Variants in PCDHGB2 observed in about 807,000 individuals in gnomAD.
PCDHGB2 encodes the protein protocadherin gamma-B2.
In PCDHGB2, 55 loss-of-function variants were observed where a neutral mutation model predicts 59.3. That is an observed-to-expected ratio of 0.93 (90% CI 0.75 to 1.16). The LOEUF (loss-of-function observed/expected upper bound fraction) is 1.16. Among genes scored for constraint, PCDHGB2 ranks in the 50% most tolerant of loss-of-function variants. The pLI, the probability that PCDHGB2 is intolerant of heterozygous loss-of-function variation, is 0.00. For synonymous variants in PCDHGB2, 516 were observed against 512.0 expected, an observed-to-expected ratio of 1.01 and a Z score of -0.11; for missense variants, 1,228 against 1,198.5, an observed-to-expected ratio of 1.02 and a Z score of -0.36.
chr5:141,375,522 A>C, intron 1 of PCDHGB2: 1 of 1,614,010 alleles, frequency 6.2e-7, no homozygotes, highest in Non-Finnish European at 8.5e-7. Flanking sequence ...CTGGACCCTG[A>C]CGTGGACCAG....
At chr5:141,492,506 C>T (rs2154587372) in intron 1 of PCDHGB2, among the ~76,000 whole-genome samples, 2 of 152,318 alleles carry the variant, frequency 1.3e-5, no homozygotes, top group South Asian at 4.1e-4. Context: ...ACTCCGGAGC[C>T]TCCTCTCACC....
chr5:141,500,062 TAA>T (rs1314388217), intron 2 of PCDHGB2, among the ~76,000 whole-genome samples: 1 of 152,144 alleles, frequency 6.6e-6, no homozygotes, highest in East Asian at 1.9e-4. Flanking sequence ...TCTTTTAATG[TAA>T]AAGACTTCCC....
intron 1 of PCDHGB2, chr5:141,420,410 A>G (rs2096494809): frequency 2.4e-6 from 3 of 1,236,296 alleles, no homozygotes; most frequent in South Asian, 4.4e-5. Flanking sequence ...TATGGTTATC[A>G]TTATTAAAAC....
At chr5:141,430,557 G>C (rs1161595629) in intron 1 of PCDHGB2, 5 of 412,906 alleles carry the variant, frequency 1.2e-5, no homozygotes, top group Non-Finnish European at 1.7e-5. Context: ...TTCACCAATC[G>C]GGGAGAGAAA....
rs149806642 is a variant in PCDHGB2 at position 141,502,449 on chromosome 5, A to T, written c.2481-2944A>T. 7.7e-3 allele frequency among the ~76,000 whole-genome samples: 1,166 copies of T among 151,886 alleles called. 15 individuals carry two copies. The highest frequency in any genetic ancestry group is 0.027 in the African/African-American group (1,103 of 41,308). On this transcript the variant is annotated intron_variant, in intron 2 of 3. Coordinates refer to ENST00000522605, the MANE Select transcript of PCDHGB2 (RefSeq NM_018923.3). The stretch of plus-strand genomic sequence containing the variant: ...TCTGATGGTTAGATTCAGATTACAC[A>T]CCTTGGTAGGAATACTTCCCGCAGC...
chr5:141,395,209 A>G, intron 1 of PCDHGB2: 1 of 1,613,372 alleles, frequency 6.2e-7, no homozygotes, highest in Non-Finnish European at 8.5e-7. Flanking sequence ...GATTTTCATG[A>G]ATATAAGAAT....
At chr5:141,393,747 T>C (rs1375394315) in intron 1 of PCDHGB2, 1 of 1,613,866 alleles carries the variant, frequency 6.2e-7, no homozygotes, top group Admixed American at 1.7e-5. Flanking sequence ...TTATGAAGAA[T>C]GTTCATTTTA....
At position 141,376,251 on chromosome 5, in the gene PCDHGB2, G is replaced by A. The variant is rs748938190; in HGVS notation, c.2421+13695G>A. 11 of 1,614,110 alleles carry A rather than the reference G, an allele frequency of 6.8e-6. No individual in the cohort carries two copies. The East Asian group carries it at 1.8e-4, about 26-fold the overall frequency. On this transcript the variant is annotated intron_variant, in intron 1 of 3. Transcript: ENST00000522605. ...AGACTGCAGCGCTGGCACAAGTCAC[G>A]CCTGCTGCAGGCTTCGGGAGGTGGC...
chr5:141,418,759 C>T (rs527475797), intron 1 of PCDHGB2: 17 of 1,613,898 alleles, frequency 1.1e-5, no homozygotes, highest in Non-Finnish European at 1.4e-5. Flanking sequence ...CTACAGGAAA[C>T]ATTCTAACTC....
At position 141,362,101 on chromosome 5, in the gene PCDHGB2, G is replaced by A; in HGVS notation, c.1966G>A (p.Ala656Thr). The A allele has an allele frequency of 6.2e-7, 1 of 1,613,846 alleles. No homozygotes were observed. Among genetic ancestry groups the A allele is most frequent in the East Asian group, 2.2e-5 (1 of 44,872 alleles). ...TGATGGAGGACAGCCGCCACTCTCC[G>A]CTACGGCCACGCTGCACCTAATCTT... ...VRDGGQPPLS[A>T]TATLHLIFAD... Residue 656 changes from alanine (A) to threonine (T), a missense_variant, in exon 1 of 4, where the codon GCT (alanine) becomes ACT (threonine). By Grantham distance (58) the Ala-to-Thr change is moderately conservative (BLOSUM62 0). This residue lies in a region of PCDHGB2 where 433 missense variants were observed against 441.8 expected (regional missense o/e 0.98). Coordinates refer to ENST00000522605, the MANE Select transcript of PCDHGB2 (RefSeq NM_018923.3).
intron 1 of PCDHGB2, chr5:141,468,330 C>CAAAAAAAAA (rs533390277): frequency 1.3e-5 from 1 of 79,886 alleles, no homozygotes; most frequent in African/African-American, 3.9e-5. Context: ...AACTCCATCT[C>CAAAAAAAAA]AAAAAAAAAA....
At chr5:141,506,487 G>A (rs1265051912) in intron 3 of PCDHGB2, among the ~76,000 whole-genome samples, 3 of 150,464 alleles carry the variant, frequency 2.0e-5, no homozygotes, top group Non-Finnish European at 4.4e-5. Flanking sequence ...TTAGAGGCAG[G>A]CCAATCTGGA....
Position 141,432,098 on chromosome 5 carries a change from G to C in PCDHGB2, c.2422-62709G>C, listed in dbSNP as rs771050429. The C allele has an allele frequency of 1.9e-6, 3 of 1,613,938 alleles. No homozygotes were observed. The highest frequency in any genetic ancestry group is 1.7e-5 in the Admixed American group (1 of 59,992). On this transcript the variant is annotated intron_variant, in intron 1 of 3. Transcript: ENST00000522605. The surrounding 1 kb of genome is among the most constrained non-coding windows in gnomAD (Gnocchi z 6.0). ...CTCGCTGAACGTGGCAGACACCAAC[G>C]ACAACCCGCCGGTCTTCCCTCAGGC...
chr5:141,460,507 G>A (rs2098991001), intron 1 of PCDHGB2, among the ~76,000 whole-genome samples: 1 of 152,036 alleles, frequency 6.6e-6, no homozygotes. Context: ...ATGCTGAGAA[G>A]GCTATCTTTT....
At chr5:141,438,362 T>C (rs1471364176) in intron 1 of PCDHGB2, among the ~76,000 whole-genome samples, 1 of 151,850 alleles carries the variant, frequency 6.6e-6, no homozygotes, top group East Asian at 1.9e-4. Flanking sequence ...TGTATTGTCA[T>C]TGAGGGCAGA....
rs772052592 is a variant in PCDHGB2, at chr5:141,385,040, T to C, written c.2421+22484T>C. 6.2e-6 allele frequency: 10 copies of C among 1,614,040 alleles called. No individual in the cohort carries two copies. In the South Asian group the frequency reaches 9.9e-5, roughly 16 times the overall value. On this transcript the variant is annotated intron_variant, in intron 1 of 3. Coordinates refer to ENST00000522605, the MANE Select transcript of PCDHGB2 (RefSeq NM_018923.3). The stretch of plus-strand genomic sequence containing the variant: ...GCCTTCGTCCTCGTACTGCTGGCGC[T>C]CAGGCTGCGGCGCTGGCACAAGTCA...
In PCDHGB2 at chr5:141,485,842, T is replaced by C; in HGVS notation, c.2422-8965T>C. ...TCGATGGAGGGAACCCGCCGAGATC[T>C]GGCACCGCAGAGCTCCGGGTATCCG... On this transcript the variant is annotated intron_variant, in intron 1 of 3. Coordinates refer to ENST00000522605, the MANE Select transcript of PCDHGB2 (RefSeq NM_018923.3). This position sits in a 1 kb window ranked among gnomAD's most constrained non-coding sequence, Gnocchi z 5.7. 1 of 1,614,002 alleles carries C rather than the reference T, an allele frequency of 6.2e-7. No homozygotes were observed. Among genetic ancestry groups the C allele is most frequent in the Non-Finnish European group, 8.5e-7 (1 of 1,179,982 alleles).
intron 1 of PCDHGB2, chr5:141,475,934 GC>G (rs879308605): frequency 6.0e-6 from 4 of 665,236 alleles, no homozygotes; most frequent in Non-Finnish European, 1.0e-5. Context: ...TCGGGCCCCT[GC>G]CCGTCCCCTT....
intron 1 of PCDHGB2, among the ~76,000 whole-genome samples, chr5:141,456,464 A>T (rs1430885015): frequency 6.6e-6 from 1 of 152,192 alleles, no homozygotes; most frequent in Non-Finnish European, 1.5e-5. Flanking sequence ...TCAATACAAG[A>T]CATATAAGCA....
Sources: gnomAD v4.1 joint callset for allele counts (sites outside exome capture counted in the v4.1 genomes callset) on GRCh38, gnomAD v4.1.1 for gene constraint, gnomAD v4.1.1 regional missense constraint, Gnocchi (gnomAD v3.1) non-coding constraint, MANE v1.5 for transcripts, NCBI Gene and HGNC (gene_info 2026-07-23, HGNC 2026-07-21) for gene names.